The following GAB2 variants were observed in gnomAD, a reference collection of about 807,000 sequenced individuals.
GAB2 encodes the protein GRB2 associated binding protein 2.
A neutral mutation model predicts 65.5 loss-of-function variants in GAB2; 26 were observed. The observed-to-expected ratio is 0.40, with a 90% CI of 0.29 to 0.55. The LOEUF is 0.55. Among genes scored for constraint, GAB2 ranks in the 20% least tolerant of loss-of-function variants. GAB2 has a pLI of 0.53. For synonymous variants in GAB2, 321 were observed against 329.6 expected, an observed-to-expected ratio of 0.97 and a Z score of 0.28; for missense variants, 884 against 875.8, an observed-to-expected ratio of 1.01 and a Z score of -0.12.
intron 1 of GAB2, among the ~76,000 whole-genome samples, chr11:78,335,106 G>A (rs1166167714): frequency 6.6e-6 from 1 of 152,128 alleles, no homozygotes; most frequent in Non-Finnish European, 1.5e-5. Context: ...TTTCCCTATA[G>A]AGTTGTTTGA....
intron 1 of GAB2, among the ~76,000 whole-genome samples, chr11:78,403,071 G>A (rs375507589): frequency 1.1e-4 from 16 of 152,302 alleles, no homozygotes; most frequent in African/African-American, 3.8e-4. Context: ...ATCACCAGAC[G>A]CTGAATGTGT....
chr11:78,306,528 G>A (rs974290247), intron 1 of GAB2, among the ~76,000 whole-genome samples: 4 of 152,158 alleles, frequency 2.6e-5, no homozygotes, highest in Non-Finnish European at 5.9e-5. Flanking sequence ...CACTGCGCCC[G>A]GCCCCTATAT....
intron 1 of GAB2, among the ~76,000 whole-genome samples, chr11:78,374,365 C>G (rs1235995668): frequency 6.6e-6 from 1 of 152,154 alleles, no homozygotes; most frequent in Non-Finnish European, 1.5e-5. Context: ...CATTTCTGAA[C>G]TCATTATAAA....
chr11:78,393,733 A>G (rs1411121239), intron 1 of GAB2, among the ~76,000 whole-genome samples: 1 of 152,278 alleles, frequency 6.6e-6, no homozygotes, highest in African/African-American at 2.4e-5. Flanking sequence ...AGAACAGAAG[A>G]ATCAAATAAA....
intron 1 of GAB2, among the ~76,000 whole-genome samples, chr11:78,373,604 G>A (rs559376264): frequency 7.9e-5 from 12 of 152,264 alleles, no homozygotes; most frequent in Non-Finnish European, 1.2e-4. Flanking sequence ...GTTTCTAAAC[G>A]TAGAGATAAA....
At chr11:78,346,744 G>C (rs907339017) in intron 1 of GAB2, among the ~76,000 whole-genome samples, 2 of 95,236 alleles carry the variant, frequency 2.1e-5, no homozygotes, top group African/African-American at 7.4e-5. Flanking sequence ...TTTAGGAAAA[G>C]AAACAAAATA....
At chr11:78,291,567 T>TC (rs1565145610) in intron 1 of GAB2, among the ~76,000 whole-genome samples, 4 of 100,646 alleles carry the variant, frequency 4.0e-5, no homozygotes, top group African/African-American at 1.3e-4. Context: ...TTTTCTTTTT[T>TC]TTTTTTTTTT....
At chr11:78,339,484 C>T (rs1165918965) in intron 1 of GAB2, among the ~76,000 whole-genome samples, 1 of 152,198 alleles carries the variant, frequency 6.6e-6, no homozygotes. Context: ...TGGAGAGCCG[C>T]TTATGCCCTA....
chr11:78,331,945 T>C (rs1272298697), intron 1 of GAB2, among the ~76,000 whole-genome samples: 1 of 152,014 alleles, frequency 6.6e-6, no homozygotes, highest in African/African-American at 2.4e-5. Flanking sequence ...AAAACACACA[T>C]GCCCCCTCCA....
rs1478214082 is a variant in GAB2 at position 78,365,898 on chromosome 11, G to A, written c.75+51748C>T. The stretch of plus-strand genomic sequence containing the variant: ...TCTATCCCGCTCTATGGAGGCATCA[G>A]AATTTCGTGAATATTCAGCCACTAA... On this transcript the variant is annotated intron_variant, in intron 1 of 9. Transcript: ENST00000361507. Among the ~76,000 whole-genome samples the A allele has an allele frequency of 3.9e-5, 6 of 152,194 alleles. No individual in the cohort carries two copies. The East Asian group carries it at 1.2e-3, about 29-fold the overall frequency.
chr11:78,328,915 T>G (rs144532816), intron 1 of GAB2, among the ~76,000 whole-genome samples: 5 of 152,284 alleles, frequency 3.3e-5, no homozygotes, highest in Non-Finnish European at 2.9e-5. Context: ...TTTCACTCCA[T>G]GTACATTTTA....
At chr11:78,291,548 CTTTTTTCTTTTTCTTTTTT>C (rs1196431322) in intron 1 of GAB2, among the ~76,000 whole-genome samples, 23 of 66,314 alleles carry the variant, frequency 3.5e-4, no homozygotes, top group Admixed American at 7.3e-4. Context: ...GAGAGACTTA[CTTTTTTCTTTTTCTTTTTT>C]TTTTTTTTTT....
chr11:78,385,067 C>T (rs1856749059), intron 1 of GAB2, among the ~76,000 whole-genome samples: 1 of 152,170 alleles, frequency 6.6e-6, no homozygotes, highest in Non-Finnish European at 1.5e-5. Flanking sequence ...AATGACTATC[C>T]TATAATATCG....
chr11:78,383,149 G>GT (rs1856719095), intron 1 of GAB2, among the ~76,000 whole-genome samples: 1 of 152,148 alleles, frequency 6.6e-6, no homozygotes, highest in Non-Finnish European at 1.5e-5. Context: ...GCACATGCCT[G>GT]TAGTCCCAGC....
At chr11:78,247,401 T>G (rs548812310) in intron 3 of GAB2, among the ~76,000 whole-genome samples, 1 of 152,304 alleles carries the variant, frequency 6.6e-6, no homozygotes, top group East Asian at 1.9e-4. Context: ...CTTCACCTAT[T>G]ATATCCTTTA....
intron 1 of GAB2, among the ~76,000 whole-genome samples, chr11:78,309,148 T>A (rs1855434555): frequency 6.6e-6 from 1 of 152,138 alleles, no homozygotes; most frequent in Admixed American, 6.5e-5. Context: ...CAAAAGTAAC[T>A]GCCAGATAAA....
intron 1 of GAB2, among the ~76,000 whole-genome samples, chr11:78,377,519 T>C (rs1184404137): frequency 6.6e-6 from 1 of 152,066 alleles, no homozygotes; most frequent in African/African-American, 2.4e-5. Flanking sequence ...AAACATTGAG[T>C]CGGTAGCAGG....
At chr11:78,378,149 C>G (rs541402028) in intron 1 of GAB2, among the ~76,000 whole-genome samples, 2 of 152,274 alleles carry the variant, frequency 1.3e-5, no homozygotes, top group Non-Finnish European at 2.9e-5. Context: ...ATTTGGAGTT[C>G]TAAAAGTAAG....
At chr11:78,403,299 G>C (rs1856998177) in intron 1 of GAB2, among the ~76,000 whole-genome samples, 1 of 152,228 alleles carries the variant, frequency 6.6e-6, no homozygotes, top group South Asian at 2.1e-4. Context: ...ATAATTGCTT[G>C]AGTTTTAAAG....
Sources: gnomAD v4.1 joint callset for allele counts (sites outside exome capture counted in the v4.1 genomes callset) on GRCh38, gnomAD v4.1.1 for gene constraint, MANE v1.5 for transcripts, NCBI Gene and HGNC (gene_info 2026-07-23, HGNC 2026-07-21) for gene names.